CORO2B: variants seen among roughly 807,000 people sequenced by gnomAD.
CORO2B encodes coronin-2B.
In CORO2B, 26 loss-of-function variants were observed where a neutral mutation model predicts 58.8. The observed-to-expected ratio is 0.44, with a 90% CI of 0.32 to 0.61. The LOEUF is 0.61. Among genes scored for constraint, CORO2B ranks in the 20% least tolerant of loss-of-function variants. The probability of loss-of-function intolerance (pLI) is 0.04; values close to 1 mark genes in which losing one functional copy is unlikely to be tolerated. For synonymous variants in CORO2B, 242 were observed against 253.8 expected (o/e 0.95, Z 0.44); for missense variants, 460 against 645.1 (o/e 0.71, Z 3.11).
At chr15:68,520,321 A>G in the CORO2B span, among the ~76,000 whole-genome samples, 1 of 152,198 alleles carries the variant, frequency 6.6e-6, no homozygotes, top group Non-Finnish European at 1.5e-5. Context: ...ATATCCTTAC[A>G]GATTTTTTTG....
chr15:68,645,295 C>G lies in CORO2B; in HGVS notation c.151C>G (p.Arg51Gly). ...HDNHFCAVNT[R>G]FLAIVTESAG... is the part of the protein sequence containing the mutation. ...CAACCACTTCTGTGCCGTCAACACC[C>G]GCTTCCTGGCCATCGTCACCGAGAG... is the stretch of plus-strand genomic sequence containing the variant. Residue 51 changes from arginine (R) to glycine (G), a missense_variant, in exon 2 of 12, where the codon CGC (arginine) becomes GGC (glycine). Physicochemically the swap from Arg to Gly is moderately radical, Grantham distance 125. Around this residue, in one of 2 missense-constraint regions of CORO2B, gnomAD observed 352 missense variants for 543.0 expected, o/e 0.65. Transcript: ENST00000261861. This position sits in a 1 kb window ranked among gnomAD's most constrained non-coding sequence, Gnocchi z 4.5. 1 of 1,614,078 alleles carries G rather than the reference C, an allele frequency of 6.2e-7. No homozygotes were observed. The highest frequency in any genetic ancestry group is 8.5e-7 in the Non-Finnish European group (1 of 1,180,018).
At chr15:68,538,277 A>G in the CORO2B span, among the ~76,000 whole-genome samples, 119,675 of 152,060 alleles carry the variant, frequency 0.79, 47,252 homozygotes, top group East Asian at 0.96. Flanking sequence ...ACAGCTTTCC[A>G]GGAGGCCCAC....
chr15:68,554,984 C>G, the CORO2B span, among the ~76,000 whole-genome samples: 1 of 152,234 alleles, frequency 6.6e-6, no homozygotes, highest in African/African-American at 2.4e-5. Context: ...ATGGATTGCA[C>G]AGTGGTGGCT....
intron 2 of CORO2B, among the ~76,000 whole-genome samples, chr15:68,647,491 G>T (rs1359852529): frequency 6.7e-6 from 1 of 148,978 alleles, no homozygotes; most frequent in Non-Finnish European, 1.5e-5. Context: ...AGAGTTTGAG[G>T]CTAGCCTGAC....
chr15:68,725,808 G>A (rs1893281517), intron 11 of CORO2B, 35 bp from the exon 12 acceptor site: 3 of 1,611,488 alleles, frequency 1.9e-6, no homozygotes, highest in Non-Finnish European at 2.5e-6. Flanking sequence ...CTCTCTCCTG[G>A]GCCCTCCTTG....
At position 68,690,311 on chromosome 15, in the gene CORO2B, C is replaced by T. The variant is rs939522369; in HGVS notation, c.217-4829C>T. Reference sequence around the variant, plus strand: ...CTGCCTAGAGCCACAATCCCTGTCCCGTCTTGTGACACCCCTGCATTTCCT... The same window carrying T: ...CTGCCTAGAGCCACAATCCCTGTCCTGTCTTGTGACACCCCTGCATTTCCT... On this transcript the variant is annotated intron_variant, in intron 2 of 11. Transcript: ENST00000261861. Among the ~76,000 whole-genome samples the T allele has an allele frequency of 4.6e-5, 7 of 152,298 alleles. No individual in the cohort carries two copies. The South Asian group carries it at 1.5e-3, about 32-fold the overall frequency.
At chr15:68,592,483 G>A (rs1200338735) in intron 1 of CORO2B, among the ~76,000 whole-genome samples, 1 of 152,116 alleles carries the variant, frequency 6.6e-6, no homozygotes, top group Non-Finnish European at 1.5e-5. Context: ...TGGAGTGATG[G>A]CGGTTACATG....
At chr15:68,527,595 G>T in the CORO2B span, among the ~76,000 whole-genome samples, 1 of 152,108 alleles carries the variant, frequency 6.6e-6, no homozygotes, top group East Asian at 1.9e-4. Flanking sequence ...CGAAAATCAG[G>T]TAATATAAGT....
In CORO2B at chr15:68,726,011, G is replaced by T. The variant is rs199541559; in HGVS notation, c.*37G>T. Reference sequence around the variant, plus strand: ...GGCTGTTTTCTAAGCCGATCTCTCCGTCGTTTCTACTCATCCCTTAACTTC... The same window carrying T: ...GGCTGTTTTCTAAGCCGATCTCTCCTTCGTTTCTACTCATCCCTTAACTTC... On this transcript the variant is annotated 3_prime_UTR_variant, in exon 12 of 12. Coordinates refer to ENST00000261861, the MANE Select transcript of CORO2B (RefSeq NM_006091.5). 5 of 1,608,108 alleles carry T rather than the reference G, an allele frequency of 3.1e-6. No homozygotes were observed. The Admixed American group carries it at 6.7e-5, about 21-fold the overall frequency.
chr15:68,548,189 A>ATATATGTGTGTG, the CORO2B span, among the ~76,000 whole-genome samples: 2 of 145,066 alleles, frequency 1.4e-5, no homozygotes, highest in African/African-American at 5.1e-5. Flanking sequence ...ATATATATAT[A>ATATATGTGTGTG]TGTGTGTGTG....
chr15:68,601,470 AAGAG>A lies in CORO2B; in HGVS notation c.15+22194_15+22197del, dbSNP rs1899980912. On this transcript the variant is annotated intron_variant, in intron 1 of 11. Coordinates refer to ENST00000261861, the MANE Select transcript of CORO2B (RefSeq NM_006091.5). ...CTCAGCCTGCACGGAGCTTACAGTCAAGAGTGGTGTGAGGTGGGGATTGCGGCCA... is the reference window on the plus strand; with the variant it reads ...CTCAGCCTGCACGGAGCTTACAGTCATGGTGTGAGGTGGGGATTGCGGCCA... 3.9e-5 allele frequency among the ~76,000 whole-genome samples: 6 copies of A among 152,268 alleles called. No individual in the cohort carries two copies. In the South Asian group the frequency reaches 1.2e-3, roughly 32 times the overall value.
intron 2 of CORO2B, among the ~76,000 whole-genome samples, chr15:68,683,920 A>C (rs1902876855): frequency 6.6e-6 from 1 of 152,186 alleles, no homozygotes; most frequent in Admixed American, 6.5e-5. Context: ...TCAAGGCAGG[A>C]CTGTGCTGGG....
At chr15:68,578,949 C>CCAA, upstream of CORO2B, 1 of 631,050 alleles carries the variant, frequency 1.6e-6, no homozygotes, top group Non-Finnish European at 2.0e-6. The surrounding 1 kb of genome is among the most constrained non-coding windows in gnomAD (Gnocchi z 4.2). Flanking sequence ...GGCCCCTCTT[C>CCAA]CTCCCCCCGC....
At chr15:68,628,658 T>A (rs1277320519) in intron 1 of CORO2B, among the ~76,000 whole-genome samples, 1 of 152,194 alleles carries the variant, frequency 6.6e-6, no homozygotes, top group Non-Finnish European at 1.5e-5. Flanking sequence ...ATCAGCTCCA[T>A]GAGGAGGCAC....
intron 1 of CORO2B, among the ~76,000 whole-genome samples, chr15:68,603,852 A>G (rs1311866295): frequency 2.0e-5 from 3 of 152,204 alleles, no homozygotes; most frequent in Admixed American, 2.0e-4. Flanking sequence ...CTGTTATGGC[A>G]GCCTGAGCAG....
At chr15:68,693,640 C>G (rs546329851) in intron 2 of CORO2B, among the ~76,000 whole-genome samples, 1 of 152,336 alleles carries the variant, frequency 6.6e-6, no homozygotes, top group South Asian at 2.1e-4. Context: ...AGCTCTTCCA[C>G]ACCCATCCAC....
chr15:68,659,678 A>G (rs1308204602), intron 2 of CORO2B, among the ~76,000 whole-genome samples: 1 of 152,258 alleles, frequency 6.6e-6, no homozygotes, highest in East Asian at 1.9e-4. Context: ...TCATTCCTGT[A>G]ATCCCAGCAC....
chr15:68,725,833 T>G lies in CORO2B; in HGVS notation c.1312-10T>G, dbSNP rs1161120647. On this transcript the variant is annotated splice_polypyrimidine_tract_variant and intron_variant, in intron 11 of 11. Transcript: ENST00000261861. The stretch of plus-strand genomic sequence containing the variant: ...GGCCCTCCTTGGCCCCCTCTCTTCC[T>G]CCACCCCAGCTCCTTCGAATGTTCT... 1 of 1,613,188 alleles carries G rather than the reference T, an allele frequency of 6.2e-7. No individual in the cohort carries two copies. The highest frequency in any genetic ancestry group is 1.3e-5 in the African/African-American group (1 of 74,886).
chr15:68,669,600 G>A (rs4776416), intron 2 of CORO2B, among the ~76,000 whole-genome samples: 18,837 of 152,088 alleles, frequency 0.12, 2,202 homozygotes, highest in African/African-American at 0.31. Context: ...TGAGCTCAAT[G>A]GGCAATGCTG....
Sources: allele counts gnomAD v4.1 joint callset (sites outside exome capture counted in the v4.1 genomes callset), GRCh38; gene constraint gnomAD v4.1.1; regional missense constraint gnomAD v4.1.1; non-coding constraint Gnocchi (gnomAD v3.1); transcripts MANE v1.5; gene names NCBI Gene and HGNC (gene_info 2026-07-23, HGNC 2026-07-21).